ZNF362: variants seen among roughly 807,000 people sequenced by gnomAD.
ZNF362 encodes the protein rotund homolog.
Under a neutral mutation model 42.9 loss-of-function variants are expected in ZNF362, and 11 were observed. That is an observed-to-expected ratio of 0.26 (90% confidence interval 0.16 to 0.42). The LOEUF (loss-of-function observed/expected upper bound fraction) is 0.42. ZNF362 is among the 20% of genes least tolerant of loss of function. ZNF362 has a pLI of 1.00. For synonymous variants in ZNF362, 255 were observed against 257.3 expected, an observed-to-expected ratio of 0.99 and a Z score of 0.09; for missense variants, 362 against 576.2, an observed-to-expected ratio of 0.63 and a Z score of 3.81.
At chr1:33,152,919 G>T in the ZNF362 span, among the ~76,000 whole-genome samples, 3 of 152,144 alleles carry the variant, frequency 2.0e-5, no homozygotes, top group African/African-American at 7.2e-5. Context: ...TTGGGACAAT[G>T]GGCTGCCTGG....
chr1:33,165,221 C>A, the ZNF362 span: 36 of 387,630 alleles, frequency 9.3e-5, no homozygotes, highest in African/African-American at 6.9e-4. This position sits in a 1 kb window ranked among gnomAD's most constrained non-coding sequence, Gnocchi z 4.0. Flanking sequence ...GGAGAAATGG[C>A]CCCGTCCTTA....
At chr1:33,154,588 A>G in the ZNF362 span, among the ~76,000 whole-genome samples, 1 of 151,850 alleles carries the variant, frequency 6.6e-6, no homozygotes, top group Admixed American at 6.6e-5. Flanking sequence ...TCACGAGGTC[A>G]GGAGTTCAAG....
the ZNF362 span, among the ~76,000 whole-genome samples, chr1:33,186,771 A>G: frequency 3.2e-3 from 1 of 314 alleles, no homozygotes; most frequent in Non-Finnish European, 0.031. Flanking sequence ...CCGCCACTGC[A>G]CTCCAGCCTG....
the ZNF362 span, among the ~76,000 whole-genome samples, chr1:33,132,249 C>T: frequency 6.6e-6 from 1 of 152,220 alleles, no homozygotes; most frequent in Non-Finnish European, 1.5e-5. Flanking sequence ...CGTGAGCTCT[C>T]CAGTCTCTAG....
At chr1:33,289,193 G>A (rs1219792712) in intron 6 of ZNF362, among the ~76,000 whole-genome samples, 2 of 152,328 alleles carry the variant, frequency 1.3e-5, no homozygotes, top group African/African-American at 2.4e-5. Flanking sequence ...AACGACATGA[G>A]CAAAGGCTCG....
chr1:33,235,657 G>A, the ZNF362 span, among the ~76,000 whole-genome samples: 1 of 152,186 alleles, frequency 6.6e-6, no homozygotes, highest in Non-Finnish European at 1.5e-5. Context: ...TACAGAACAG[G>A]CAAGTGGGAA....
At chr1:33,195,501 C>CGG in the ZNF362 span, 2 of 152,164 alleles carry the variant, frequency 1.3e-5, no homozygotes, top group African/African-American at 4.8e-5. Flanking sequence ...CTTACACAAA[C>CGG]CTGGATGTCA....
the ZNF362 span, among the ~76,000 whole-genome samples, chr1:33,175,249 AATGTTGGCCAGGCTG>A: frequency 1.7e-4 from 26 of 150,432 alleles, no homozygotes; most frequent in African/African-American, 5.9e-4. Context: ...GGGGTTTCAT[AATGTTGGCCAGGCTG>A]ATCTCAAACT....
At position 33,256,624 on chromosome 1, in the gene ZNF362, C is replaced by T. The variant is rs1041284297; in HGVS notation, c.-119C>T. ...GGGCCGCCGGGCGCGGGGCTGCGGCCGCGTCCCGGAGGCGCCGCCAGCACA... is the reference window on the plus strand; with the variant it reads ...GGGCCGCCGGGCGCGGGGCTGCGGCTGCGTCCCGGAGGCGCCGCCAGCACA... On this transcript the variant is annotated 5_prime_UTR_variant, in exon 1 of 9. Transcript: ENST00000539719. 6.8e-6 allele frequency: 1 copy of T among 146,120 alleles called. No individual in the cohort carries two copies. Among genetic ancestry groups the T allele is most frequent in the African/African-American group, 2.5e-5 (1 of 40,708 alleles). 9.1% of individuals were successfully genotyped at this position (146,120 alleles called of 1,614,324 possible). A position where few individuals can be genotyped will look rare whatever the true frequency, so the allele number is the denominator to read the frequency against.
intron 2 of ZNF362, among the ~76,000 whole-genome samples, chr1:33,272,796 GC>G (rs1570391699): frequency 1.3e-5 from 2 of 152,272 alleles, no homozygotes; most frequent in East Asian, 3.9e-4. Flanking sequence ...GGCATTCAGT[GC>G]CCTGTGTCTC....
At chr1:33,210,905 G>A in the ZNF362 span, among the ~76,000 whole-genome samples, 1 of 150,608 alleles carries the variant, frequency 6.6e-6, no homozygotes, top group East Asian at 2.0e-4. Flanking sequence ...TCTTTTAATT[G>A]GGACATTTAG....
chr1:33,216,667 G>A, the ZNF362 span, among the ~76,000 whole-genome samples: 16 of 151,454 alleles, frequency 1.1e-4, no homozygotes, highest in East Asian at 2.9e-3. Context: ...AGGCTTCCTG[G>A]AGGAAAGAAC....
the ZNF362 span, among the ~76,000 whole-genome samples, chr1:33,144,900 G>A: frequency 1.3e-5 from 2 of 152,188 alleles, no homozygotes; most frequent in African/African-American, 4.8e-5. Context: ...GCAGCTGGGG[G>A]GATAGGGTAG....
chr1:33,293,163 T>G (rs936862893), intron 6 of ZNF362, among the ~76,000 whole-genome samples: 1 of 152,130 alleles, frequency 6.6e-6, no homozygotes, highest in Non-Finnish European at 1.5e-5. Flanking sequence ...CTCGGGAGAT[T>G]CCGCAGAGCC....
the ZNF362 span, among the ~76,000 whole-genome samples, chr1:33,138,893 G>A: frequency 6.6e-6 from 1 of 152,226 alleles, no homozygotes. Context: ...GCAGGGGAAA[G>A]GGTTGGGCTT....
chr1:33,191,445 G>C, the ZNF362 span, among the ~76,000 whole-genome samples: 1 of 152,004 alleles, frequency 6.6e-6, no homozygotes, highest in African/African-American at 2.4e-5. Flanking sequence ...GCTTTTTATT[G>C]GTATCTATTA....
chr1:33,243,033 A>G, the ZNF362 span, among the ~76,000 whole-genome samples: 2 of 152,016 alleles, frequency 1.3e-5, no homozygotes, highest in Non-Finnish European at 2.9e-5. Context: ...TTTTTTCGCA[A>G]TGACAATGTA....
chr1:33,248,819 C>G, the ZNF362 span, among the ~76,000 whole-genome samples: 1 of 152,168 alleles, frequency 6.6e-6, no homozygotes, highest in Non-Finnish European at 1.5e-5. Flanking sequence ...TGAATAATGG[C>G]TAGCTCTGCT....
chr1:33,166,998 C>A, the ZNF362 span, among the ~76,000 whole-genome samples: 1 of 152,206 alleles, frequency 6.6e-6, no homozygotes, highest in African/African-American at 2.4e-5. Flanking sequence ...AACACCCTCC[C>A]CCATCACTCC....
Sources: gnomAD v4.1 joint callset for allele counts (sites outside exome capture counted in the v4.1 genomes callset) on GRCh38, gnomAD v4.1.1 for gene constraint, Gnocchi (gnomAD v3.1) non-coding constraint, MANE v1.5 for transcripts, NCBI Gene and HGNC (gene_info 2026-07-23, HGNC 2026-07-21) for gene names.